Variants in SORBS2 observed in about 807,000 individuals in gnomAD.
SORBS2 encodes the protein sorbin and SH3 domain-containing protein 2.
A neutral mutation model predicts 97.7 loss-of-function variants in SORBS2; 46 were observed. The observed-to-expected ratio is 0.47, with a 90% CI of 0.37 to 0.60. The LOEUF is 0.60. Among genes scored for constraint, SORBS2 ranks in the 20% least tolerant of loss-of-function variants. The pLI is 0.00. For synonymous variants in SORBS2, 476 were observed against 473.4 expected (o/e 1.01, Z -0.07); for missense variants, 1,316 against 1,282.3 (o/e 1.03, Z -0.40).
At chr4:185,885,228 T>C (rs1170803835) in intron 1 of SORBS2, among the ~76,000 whole-genome samples, 1 of 152,230 alleles carries the variant, frequency 6.6e-6, no homozygotes, top group African/African-American at 2.4e-5. Flanking sequence ...ATGGGAAAGT[T>C]AGCAAATCCT....
chr4:185,623,684 G>C lies in SORBS2; in HGVS notation c.1445C>G (p.Pro482Arg). Reference sequence around the variant, plus strand: ...ATCGCTGGTGACTTCAATGTGAATGGGCACCAGGGCGTTAGACTGGCAGCC... The same window carrying C: ...ATCGCTGGTGACTTCAATGTGAATGCGCACCAGGGCGTTAGACTGGCAGCC... Residue 482 changes from proline (P) to arginine (R), a missense_variant, in exon 7 of 15, where the codon CCC (proline) becomes CGC (arginine). Coordinates refer to ENST00000418609, the Ensembl canonical transcript of SORBS2. The surrounding 1 kb of genome is among the most constrained non-coding windows in gnomAD (Gnocchi z 6.4). 6.2e-7 allele frequency: 1 copy of C among 1,614,042 alleles called. No homozygotes were observed. The highest frequency in any genetic ancestry group is 8.5e-7 in the Non-Finnish European group (1 of 1,180,022).
intron 2 of SORBS2, among the ~76,000 whole-genome samples, chr4:185,721,083 TC>T (rs1485676685): frequency 8.5e-6 from 1 of 117,098 alleles, no homozygotes; most frequent in African/African-American, 3.1e-5. Flanking sequence ...TCCCACCTAT[TC>T]TTTTTTTTTT....
chr4:185,755,072 A>G (rs1431950818), intron 2 of SORBS2, among the ~76,000 whole-genome samples: 1 of 152,246 alleles, frequency 6.6e-6, no homozygotes. Flanking sequence ...ATCATCAATG[A>G]CCAATTCTCT....
intron 1 of SORBS2, among the ~76,000 whole-genome samples, chr4:185,904,783 C>A (rs1010282314): frequency 6.6e-6 from 1 of 152,078 alleles, no homozygotes; most frequent in Admixed American, 6.5e-5. Context: ...GAGACTGAAC[C>A]AAGTGAGAAG....
chr4:185,934,709 G>A lies in SORBS2; in HGVS notation c.-338+21487C>T, dbSNP rs113407608. On this transcript the variant is annotated intron_variant, in intron 1 of 20. Transcript: ENST00000284776. ...TGAGGCAAGAGAATCGCTTGAACCC[G>A]GGAGGCGGAGGCTGCAGTGAGCTGA... Among the ~76,000 whole-genome samples the A allele has an allele frequency of 2.2e-3, 334 of 151,810 alleles. 1 individual carries two copies. The highest frequency in any genetic ancestry group is 3.8e-3 in the Non-Finnish European group (257 of 67,926).
chr4:185,632,251 A>T (rs1278976231), intron 4 of SORBS2, among the ~76,000 whole-genome samples: 5 of 152,226 alleles, frequency 3.3e-5, no homozygotes, highest in African/African-American at 1.2e-4. Flanking sequence ...TACTAAATGA[A>T]AATGGAATCT....
chr4:185,726,369 T>C (rs2098554352), intron 2 of SORBS2, among the ~76,000 whole-genome samples: 1 of 152,192 alleles, frequency 6.6e-6, no homozygotes, highest in Non-Finnish European at 1.5e-5. Flanking sequence ...TTTATTCACA[T>C]CTGTGTCTTT....
intron 2 of SORBS2, among the ~76,000 whole-genome samples, chr4:185,765,703 C>A (rs1435435796): frequency 6.6e-6 from 1 of 152,150 alleles, no homozygotes; most frequent in East Asian, 1.9e-4. Context: ...TAAAGATGCT[C>A]AAACACAAAA....
chr4:185,686,035 T>C (rs2097951331), intron 2 of SORBS2, among the ~76,000 whole-genome samples: 1 of 152,202 alleles, frequency 6.6e-6, no homozygotes. Flanking sequence ...TCCTCTGTAA[T>C]ATGGCATGGC....
chr4:185,915,431 A>C (rs1175669435), intron 1 of SORBS2, among the ~76,000 whole-genome samples: 1 of 152,176 alleles, frequency 6.6e-6, no homozygotes. Flanking sequence ...GGTCATTCTG[A>C]TGGCATGGAA....
intron 4 of SORBS2, chr4:185,638,904 C>T (rs1488405823): frequency 1.3e-6 from 2 of 1,481,972 alleles, no homozygotes; most frequent in South Asian, 1.3e-5. Flanking sequence ...CCGGGGCGCG[C>T]GAGCTTGGTG....
At chr4:185,813,554 G>GC (rs1355468502) in intron 1 of SORBS2, among the ~76,000 whole-genome samples, 1 of 152,162 alleles carries the variant, frequency 6.6e-6, no homozygotes, top group East Asian at 1.9e-4. Flanking sequence ...TGCTGAGCGT[G>GC]CCCCTGCCTT....
intron 2 of SORBS2, among the ~76,000 whole-genome samples, chr4:185,689,701 C>G (rs1483716433): frequency 1.3e-5 from 2 of 152,286 alleles, no homozygotes; most frequent in East Asian, 3.9e-4. Context: ...GCTGGGTAAT[C>G]CTCCTTGTAG....
chr4:185,935,768 T>C (rs1005725350), intron 1 of SORBS2, among the ~76,000 whole-genome samples: 5 of 152,156 alleles, frequency 3.3e-5, no homozygotes, highest in Admixed American at 6.5e-5. Flanking sequence ...ATCAGAGCCG[T>C]AGTTGGTAAC....
intron 1 of SORBS2, among the ~76,000 whole-genome samples, chr4:185,916,443 C>T (rs1403823166): frequency 1.3e-5 from 2 of 152,204 alleles, no homozygotes; most frequent in Non-Finnish European, 2.9e-5. Context: ...ACCACCCAGT[C>T]ACCTGCCTGT....
chr4:185,879,302 G>C (rs2099235652), intron 1 of SORBS2, among the ~76,000 whole-genome samples: 1 of 151,544 alleles, frequency 6.6e-6, no homozygotes, highest in African/African-American at 2.4e-5. Flanking sequence ...AGTTTGCTGA[G>C]AATGATGGTT....
At chr4:185,725,487 C>G (rs1206266632) in intron 2 of SORBS2, among the ~76,000 whole-genome samples, 1 of 152,196 alleles carries the variant, frequency 6.6e-6, no homozygotes, top group Non-Finnish European at 1.5e-5. Context: ...CATAGCTAAT[C>G]TCTCTGAGTT....
intron 1 of SORBS2, among the ~76,000 whole-genome samples, chr4:185,886,355 G>A (rs35225482): frequency 0.28 from 42,390 of 151,448 alleles, 6,110 homozygotes; most frequent in East Asian, 0.55. Flanking sequence ...GGAGATTGAG[G>A]CCAGCCTGGC....
At chr4:185,706,574 C>T (rs967832076) in intron 2 of SORBS2, among the ~76,000 whole-genome samples, 2 of 152,180 alleles carry the variant, frequency 1.3e-5, no homozygotes, top group African/African-American at 4.8e-5. Context: ...CACCAACCAT[C>T]TAAAGCCAAA....
Sources: gnomAD v4.1 joint callset for allele counts (sites outside exome capture counted in the v4.1 genomes callset) on GRCh38, gnomAD v4.1.1 for gene constraint, Gnocchi (gnomAD v3.1) non-coding constraint, MANE v1.5 for transcripts, NCBI Gene and HGNC (gene_info 2026-07-23, HGNC 2026-07-21) for gene names.